FMR1: variants seen among roughly 807,000 people sequenced by gnomAD.
The protein encoded by FMR1 is FMRP translational regulator 1.
A neutral mutation model predicts 50.6 loss-of-function variants in FMR1; 13 were observed. The ratio of observed to expected loss-of-function variants is 0.26; its 90% CI spans 0.17 to 0.41. FMR1 has a LOEUF of 0.41. Ranked by LOEUF, FMR1 falls within the 10% of genes least tolerant of loss-of-function variation. The pLI is 1.00. For missense variants in FMR1, 316 were observed against 491.3 expected (o/e 0.64, Z 3.37); for synonymous variants, 138 against 164.1 (o/e 0.84, Z 1.22).
intron 14 of FMR1, 123 bp from the exon 15 acceptor site, chrX:147,944,746 T>C (rs5904816): frequency 9.1e-7 from 1 of 1,096,704 alleles, no homozygotes; most frequent in Non-Finnish European, 1.2e-6. Context: ...TAATACTCTT[T>C]GTGGGCTTAT....
At chrX:147,936,422 A>G (rs1412621754) in intron 9 of FMR1, 82 bp from the exon 10 acceptor site, 4 of 602,521 alleles carry the variant, frequency 6.6e-6, no homozygotes, top group African/African-American at 2.2e-5. Context: ...ATCTATATGA[A>G]TGTAATAGTT....
chrX:147,943,073 G>A, intron 13 of FMR1, 58 bp from the exon 14 acceptor site: 1 of 979,129 alleles, frequency 1.0e-6, no homozygotes, highest in Non-Finnish European at 1.5e-6. Context: ...AAAGGAGAAA[G>A]GTTTTATTAA....
At chrX:147,945,460 G>T (rs929848532) in intron 15 of FMR1, 74 bp from the exon 16 acceptor site, 2 of 787,886 alleles carry the variant, frequency 2.5e-6, no homozygotes, top group Admixed American at 2.3e-5. Flanking sequence ...TAAATAGAGG[G>T]TGTGGGAATA....
intron 3 of FMR1, among the ~76,000 whole-genome samples, chrX:147,926,036 TC>T (rs1335698649): frequency 8.9e-6 from 1 of 112,459 alleles, no homozygotes; most frequent in Non-Finnish European, 1.9e-5. Context: ...TACTAGAATT[TC>T]TTTAAGTAGC....
In FMR1 at chrX:147,945,542, G is replaced by T; in HGVS notation, c.1663G>T (p.Asp555Tyr). Residue 555 changes from aspartate (D) to tyrosine (Y), a missense_variant, in exon 16 of 17, where the codon GAT becomes TAT. Transcript: ENST00000370475. Reference protein sequence around the residue: ...GRGGGFKGNDDHSRTDNRPRN... With the variant: ...GRGGGFKGNDYHSRTDNRPRN... Reference sequence around the variant, plus strand: ...TGAAAATATTCTCATAGGAAACGACGATCACTCCCGAACAGATAATCGTCC... The same window carrying T: ...TGAAAATATTCTCATAGGAAACGACTATCACTCCCGAACAGATAATCGTCC... The T allele has an allele frequency of 8.3e-7, 1 of 1,205,659 alleles. No individual in the cohort carries two copies. The highest frequency in any genetic ancestry group is 1.1e-6 in the Non-Finnish European group (1 of 889,960).
In FMR1 at chrX:147,948,344, A is replaced by G. The variant is rs1447367404; in HGVS notation, c.1738-339A>G. 8 of 529,841 alleles carry G rather than the reference A, an allele frequency of 1.5e-5. No individual in the cohort carries two copies. In the African/African-American group the frequency reaches 2.0e-4, roughly 13 times the overall value. 43.7% of individuals were successfully genotyped at this position (529,841 alleles called of 1,213,427 possible). ...TTTAACTCTAGTGTTAGAGGCATGTATGTCTTCTGGTAATCAGTAATAGTA... is the reference window on the plus strand; with the variant it reads ...TTTAACTCTAGTGTTAGAGGCATGTGTGTCTTCTGGTAATCAGTAATAGTA... On this transcript the variant is annotated intron_variant, in intron 16 of 16. Coordinates refer to ENST00000370475, the MANE Select transcript of FMR1 (RefSeq NM_002024.6).
At chrX:147,938,287 G>T in intron 12 of FMR1, 126 bp downstream of exon 12, 3 of 579,056 alleles carry the variant, frequency 5.2e-6, no homozygotes, top group Non-Finnish European at 8.9e-6. Context: ...GTGGGTATGT[G>T]GATCCATTGC....
intron 3 of FMR1, among the ~76,000 whole-genome samples, chrX:147,926,518 T>A (rs1188821325): frequency 9.1e-6 from 1 of 110,129 alleles, no homozygotes; most frequent in Non-Finnish European, 1.9e-5. Flanking sequence ...TGAGATGGAG[T>A]CTCACTCTTG....
At chrX:147,919,796 C>T (rs1156437303) in intron 1 of FMR1, among the ~76,000 whole-genome samples, 2 of 112,005 alleles carry the variant, frequency 1.8e-5, no homozygotes, top group African/African-American at 3.2e-5. Context: ...TTCCAGGGCC[C>T]TGTCTCAGCT....
At chrX:147,936,242 T>A (rs781830120) in intron 9 of FMR1, among the ~76,000 whole-genome samples, 1 of 111,902 alleles carries the variant, frequency 8.9e-6, no homozygotes, top group Non-Finnish European at 1.9e-5. Context: ...AATCCAAAAT[T>A]ACCCTATCAG....
chrX:147,913,131 A>C (rs887979471), intron 1 of FMR1: 8 of 123,612 alleles, frequency 6.5e-5, no homozygotes, highest in Non-Finnish European at 1.3e-4. Context: ...AACTGAGCGA[A>C]AATATTTTTG....
chrX:147,931,253 A>T (rs782696345), intron 7 of FMR1, among the ~76,000 whole-genome samples: 1 of 111,810 alleles, frequency 8.9e-6, no homozygotes, highest in South Asian at 3.7e-4. Context: ...TATGCCTCTT[A>T]AACATCGAAT....
In FMR1 at chrX:147,912,167, G is replaced by C; in HGVS notation, c.-13G>C. ...GGGGGCGGGCTCCCGGCGCTAGCAG[G>C]GCTGAAGAGAAGATGGAGGAGCTGG... On this transcript the variant is annotated 5_prime_UTR_variant, in exon 1 of 17. Coordinates refer to ENST00000370475, the MANE Select transcript of FMR1 (RefSeq NM_002024.6). 8.8e-7 allele frequency: 1 copy of C among 1,140,660 alleles called. No individual in the cohort carries two copies. Among genetic ancestry groups the C allele is most frequent in the Non-Finnish European group, 1.2e-6 (1 of 860,527 alleles). The allele number at this position is 1,140,660 out of a possible 1,213,427, so 94.0% of individuals were successfully genotyped here.
chrX:147,920,935 T>C (rs1170282644), intron 1 of FMR1, among the ~76,000 whole-genome samples: 3 of 111,596 alleles, frequency 2.7e-5, no homozygotes, highest in African/African-American at 9.8e-5. Flanking sequence ...ATTCTAAGGA[T>C]ATGAAAGATA....
intron 5 of FMR1, 113 bp downstream of exon 5, chrX:147,928,920 G>T (rs1284411413): frequency 1.2e-6 from 1 of 820,556 alleles, no homozygotes; most frequent in Non-Finnish European, 1.8e-6. Flanking sequence ...TTTAAATTTG[G>T]TGGACTTTGG....
chrX:147,918,301 G>A lies in FMR1; in HGVS notation c.52-3632G>A, dbSNP rs782299535. 5.2e-4 allele frequency among the ~76,000 whole-genome samples: 58 copies of A among 111,824 alleles called. 1 individual carries two copies. Among genetic ancestry groups the A allele is most frequent in the Non-Finnish European group, 1.0e-3 (53 of 53,157 alleles). ...CACAGGAGGTATTTGTCCTTCACGCGAGTGTAGACCAAACGTAACCTATGA... is the reference window on the plus strand; with the variant it reads ...CACAGGAGGTATTTGTCCTTCACGCAAGTGTAGACCAAACGTAACCTATGA... On this transcript the variant is annotated intron_variant, in intron 1 of 16. Coordinates refer to ENST00000370475, the MANE Select transcript of FMR1 (RefSeq NM_002024.6).
intron 2 of FMR1, among the ~76,000 whole-genome samples, chrX:147,923,310 T>C (rs1327045274): frequency 8.9e-6 from 1 of 112,023 alleles, no homozygotes; most frequent in Non-Finnish European, 1.9e-5. Flanking sequence ...GCCAAAAGTT[T>C]TAGTATTTGT....
chrX:147,945,281 T>C (rs2044136167), intron 15 of FMR1, among the ~76,000 whole-genome samples: 1 of 112,240 alleles, frequency 8.9e-6, no homozygotes, highest in African/African-American at 3.2e-5. Context: ...TAATTCAGCA[T>C]CTTGGTGGGT....
At chrX:147,948,526 C>T in intron 16 of FMR1, 157 bp from the exon 17 acceptor site, 2 of 1,109,595 alleles carry the variant, frequency 1.8e-6, no homozygotes, top group Non-Finnish European at 2.4e-6. Flanking sequence ...AATAAAGAAT[C>T]CTACCTTACA....
Sources: allele counts gnomAD v4.1 joint callset (sites outside exome capture counted in the v4.1 genomes callset), GRCh38; gene constraint gnomAD v4.1.1; transcripts MANE v1.5; gene names NCBI Gene and HGNC (gene_info 2026-07-23, HGNC 2026-07-21).